The following EHD4 variants were observed in gnomAD, a reference collection of about 807,000 sequenced individuals.
EHD4 encodes the protein EH domain-containing protein 4.
Under a neutral mutation model 51.0 loss-of-function variants are expected in EHD4, and 37 were observed. That is an observed-to-expected ratio of 0.73 (90% CI 0.56 to 0.95). EHD4 has a LOEUF of 0.95. Among genes scored for constraint, EHD4 ranks in the 40% least tolerant of loss-of-function variants. The pLI is 0.00. For synonymous variants in EHD4, 297 were observed against 317.3 expected (o/e 0.94, Z 0.68); for missense variants, 632 against 733.1 (o/e 0.86, Z 1.59).
chr15:41,944,155 G>A (rs1251347859), intron 2 of EHD4, among the ~76,000 whole-genome samples: 2 of 152,208 alleles, frequency 1.3e-5, no homozygotes, highest in Non-Finnish European at 2.9e-5. Context: ...GGGACTCTGG[G>A]TAAGGGCCTC....
intron 3 of EHD4, among the ~76,000 whole-genome samples, chr15:41,923,717 A>C (rs2067642663): frequency 1.3e-5 from 2 of 152,248 alleles, no homozygotes; most frequent in Admixed American, 1.3e-4. Flanking sequence ...GTTAGCAAGC[A>C]ACAAAGCAAA....
chr15:41,970,082 C>T (rs1396816988), intron 1 of EHD4, among the ~76,000 whole-genome samples: 1 of 152,204 alleles, frequency 6.6e-6, no homozygotes, highest in East Asian at 1.9e-4. Flanking sequence ...GGTTCATTTA[C>T]AGTGTCTGGG....
intron 5 of EHD4, 28 bp downstream of exon 5, chr15:41,909,671 C>T: frequency 6.2e-7 from 1 of 1,613,150 alleles, no homozygotes; most frequent in Non-Finnish European, 8.5e-7. Flanking sequence ...TGCCCTCTGC[C>T]CGTGACATTG....
chr15:41,970,508 A>T (rs771514225), intron 1 of EHD4, among the ~76,000 whole-genome samples: 5 of 152,270 alleles, frequency 3.3e-5, no homozygotes, highest in Non-Finnish European at 7.3e-5. Flanking sequence ...AAGAGTGAGA[A>T]TATAATGAGA....
intron 5 of EHD4, among the ~76,000 whole-genome samples, chr15:41,903,253 G>A (rs2067489272): frequency 6.8e-6 from 1 of 147,386 alleles, no homozygotes; most frequent in South Asian, 2.1e-4. Context: ...TCGCTGTTTT[G>A]GACAGAAGCA....
chr15:41,972,439 T>C lies in EHD4; in HGVS notation c.56A>G (p.Asp19Gly). 6.3e-7 allele frequency: 1 copy of C among 1,590,086 alleles called. No individual in the cohort carries two copies. Among genetic ancestry groups the C allele is most frequent in the Non-Finnish European group, 8.5e-7 (1 of 1,170,282 alleles). ...AGGRERAGGA[D>G]AVQTVTGGLR... ...CCCGCCCGTCACCGTCTGCACCGCGTCCGCGCCGCCAGCGCGTTCGCGCCC... is the reference window on the plus strand; with the variant it reads ...CCCGCCCGTCACCGTCTGCACCGCGCCCGCGCCGCCAGCGCGTTCGCGCCC... The change falls in exon 1 of 6, where the codon GAC becomes GGC. Residue 19 changes from aspartate (D) to glycine (G), a missense_variant. By Grantham distance (94) the Asp-to-Gly change is moderately conservative. Transcript: ENST00000220325.
chr15:41,970,125 G>A (rs1374444891), intron 1 of EHD4, among the ~76,000 whole-genome samples: 1 of 152,172 alleles, frequency 6.6e-6, no homozygotes, highest in East Asian at 1.9e-4. Context: ...CAAGTCTCCA[G>A]GGTAGCTGCC....
In EHD4 at chr15:41,937,882, G is replaced by T. The variant is rs568337574; in HGVS notation, c.511+5185C>A. ...GATATGGGTTGAGTAAACCTTATCC[G>T]AAAAGGTTGGGACTGGAAGTGTTTT... On this transcript the variant is annotated intron_variant, in intron 3 of 5. Coordinates refer to ENST00000220325, the MANE Select transcript of EHD4 (RefSeq NM_139265.4). 3.3e-5 allele frequency among the ~76,000 whole-genome samples: 5 copies of T among 152,228 alleles called. No individual in the cohort carries two copies. The South Asian group carries it at 1.0e-3, about 32-fold the overall frequency.
intron 1 of EHD4, among the ~76,000 whole-genome samples, 185 bp downstream of exon 1, chr15:41,972,074 C>T (rs1001796278): frequency 1.3e-5 from 2 of 151,878 alleles, no homozygotes; most frequent in Non-Finnish European, 2.9e-5. Flanking sequence ...CGCGGGTTCG[C>T]GGGACCCTCC....
chr15:41,953,934 T>A lies in EHD4; in HGVS notation c.243A>T (p.Leu81=). The A allele has an allele frequency of 6.2e-7, 1 of 1,612,104 alleles. No individual in the cohort carries two copies. Among genetic ancestry groups the A allele is most frequent in the Non-Finnish European group, 8.5e-7 (1 of 1,179,506 alleles). The stretch of plus-strand genomic sequence containing the variant: ...TCATGCCTGGGAAATCCTGCTCCAG[T>A]AGGTATCTGGGAGAGGGAAGAAGAA... The part of the protein sequence containing the change: ...STGKTTFIRY[L]LEQDFPGMRI... Residue 81 remains leucine (L), a synonymous_variant, in exon 2 of 6, where the codon CTA becomes CTT. Transcript: ENST00000220325.
At chr15:41,903,468 A>C (rs969978210) in intron 5 of EHD4, among the ~76,000 whole-genome samples, 5 of 151,352 alleles carry the variant, frequency 3.3e-5, no homozygotes, top group Middle Eastern at 3.4e-3. Flanking sequence ...ACACACACAC[A>C]CACACACACA....
chr15:41,914,576 C>T (rs2067571080), intron 4 of EHD4, among the ~76,000 whole-genome samples: 4 of 152,116 alleles, frequency 2.6e-5, no homozygotes, highest in African/African-American at 9.7e-5. Context: ...CTGAGGTCAA[C>T]CTTCAAAGAG....
chr15:41,941,569 C>T (rs2067770440), intron 3 of EHD4: 1 of 144,994 alleles, frequency 6.9e-6, no homozygotes, highest in Admixed American at 7.1e-5. Flanking sequence ...ATAGCATTAA[C>T]CTGTTTTTTG....
At chr15:41,930,750 G>C (rs1171023089) in intron 3 of EHD4, among the ~76,000 whole-genome samples, 1 of 152,184 alleles carries the variant, frequency 6.6e-6, no homozygotes, top group Non-Finnish European at 1.5e-5. Flanking sequence ...CTCAGAGACA[G>C]TTATTTCTGG....
At chr15:41,914,040 A>ATGTGTGTGTG (rs5812208) in intron 4 of EHD4, among the ~76,000 whole-genome samples, 2 of 150,786 alleles carry the variant, frequency 1.3e-5, no homozygotes, top group African/African-American at 4.9e-5. Context: ...GTGTCCAATG[A>ATGTGTGTGTG]TGTGTGTGTG....
At chr15:41,946,261 T>C (rs2067813705) in intron 2 of EHD4, among the ~76,000 whole-genome samples, 1 of 152,252 alleles carries the variant, frequency 6.6e-6, no homozygotes, top group Admixed American at 6.5e-5. Flanking sequence ...CTGATAAATG[T>C]TGTCTTCTGA....
intron 4 of EHD4, among the ~76,000 whole-genome samples, chr15:41,911,841 A>C (rs979779897): frequency 2.0e-5 from 3 of 152,026 alleles, no homozygotes; most frequent in Middle Eastern, 3.2e-3. Context: ...AAGAGCCCTC[A>C]CCACGTACTA....
intron 5 of EHD4, among the ~76,000 whole-genome samples, chr15:41,902,839 G>GTATGTATATATATACATATGTA (rs2067487050): frequency 6.8e-6 from 1 of 146,852 alleles, no homozygotes; most frequent in Non-Finnish European, 1.5e-5. Flanking sequence ...ATATACATAT[G>GTATGTATATATATACATATGTA]TATATATATA....
At chr15:41,905,502 A>G (rs2067506495) in intron 5 of EHD4, among the ~76,000 whole-genome samples, 1 of 152,248 alleles carries the variant, frequency 6.6e-6, no homozygotes, top group African/African-American at 2.4e-5. Context: ...ATGGCAGTGA[A>G]CAGGGCATGG....
Sources: gnomAD v4.1 joint callset for allele counts (sites outside exome capture counted in the v4.1 genomes callset) on GRCh38, gnomAD v4.1.1 for gene constraint, MANE v1.5 for transcripts, NCBI Gene and HGNC (gene_info 2026-07-23, HGNC 2026-07-21) for gene names.